KTN1: variants seen among roughly 807,000 people sequenced by gnomAD.
KTN1 encodes the protein kinectin 1.
Under a neutral mutation model 222.5 loss-of-function variants are expected in KTN1, and 130 were observed. The ratio of observed to expected loss-of-function variants is 0.58; its 90% CI spans 0.51 to 0.68. The LOEUF is 0.68. KTN1 is among the 30% of genes least tolerant of loss of function. The pLI, the probability that KTN1 is intolerant of heterozygous loss-of-function variation, is 0.00. For missense variants in KTN1, 1,508 were observed against 1,500.4 expected, an observed-to-expected ratio of 1.01 and a Z score of -0.08; for synonymous variants, 512 against 496.3, an observed-to-expected ratio of 1.03 and a Z score of -0.42.
At chr14:55,606,852 G>A (rs918517833) in intron 1 of KTN1, among the ~76,000 whole-genome samples, 1 of 152,066 alleles carries the variant, frequency 6.6e-6, no homozygotes, top group South Asian at 2.1e-4. Flanking sequence ...TCATTTTTTA[G>A]GTATCATCTA....
intron 43 of KTN1, chr14:55,683,145 G>A (rs532354101): frequency 6.6e-6 from 1 of 152,156 alleles, no homozygotes; most frequent in Admixed American, 6.5e-5. Context: ...TATGGATCAG[G>A]TTTTCATTTT....
Position 55,608,507 on chromosome 14 carries a change from A to G in KTN1, c.-30-3512A>G, listed in dbSNP as rs569070676. On this transcript the variant is annotated intron_variant, in intron 1 of 43. Transcript: ENST00000395314. ...TTTTTAGCAGCATTGAATTGAATTT[A>G]ACAAAGTTTTAGTGTTCATGGTTTT... Among the ~76,000 whole-genome samples, 93 of 152,324 alleles carry G rather than the reference A, an allele frequency of 6.1e-4. 4 individuals carry two copies. The South Asian group carries it at 0.019, about 32-fold the overall frequency.
chr14:55,672,380 A>C, intron 37 of KTN1: 2 of 339,626 alleles, frequency 5.9e-6, no homozygotes, highest in Non-Finnish European at 1.1e-5. Context: ...ATACAGCTGA[A>C]TATCAGTTAA....
intron 43 of KTN1, chr14:55,682,133 T>C (rs918123549): frequency 2.6e-5 from 4 of 152,282 alleles, no homozygotes; most frequent in South Asian, 2.1e-4. Context: ...AGAAATAATA[T>C]GCATTGATGT....
intron 30 of KTN1, 63 bp from the exon 31 acceptor site, chr14:55,659,603 C>T: frequency 1.0e-6 from 1 of 960,156 alleles, no homozygotes; most frequent in Non-Finnish European, 1.7e-6. Flanking sequence ...TTGAGAAAAG[C>T]TTCAATGTTT....
chr14:55,650,070 T>C (rs544177902), intron 22 of KTN1, among the ~76,000 whole-genome samples: 1 of 152,232 alleles, frequency 6.6e-6, no homozygotes, highest in Middle Eastern at 3.4e-3. Flanking sequence ...GATTCTCCTC[T>C]GTATTCCTCA....
intron 28 of KTN1, 121 bp from the exon 29 acceptor site, chr14:55,655,921 A>G (rs547828062): frequency 8.7e-4 from 474 of 543,150 alleles, no homozygotes; most frequent in Middle Eastern, 3.2e-3. Flanking sequence ...TTGGTATAAT[A>G]TGGGGGAAAA....
rs79863338 is a variant in KTN1, at chr14:55,581,585, C to T, written c.-31+1231C>T. ...CTTGAGAAATGTAGACACTCATGGC[C>T]AGCCCAGCTAAAGATAAGCATCTTC... On this transcript the variant is annotated intron_variant, in intron 1 of 43. Coordinates refer to ENST00000395314, the MANE Select transcript of KTN1 (RefSeq NM_001079521.2). 2.5e-3 allele frequency among the ~76,000 whole-genome samples: 373 copies of T among 152,192 alleles called. 3 individuals carry two copies. Among genetic ancestry groups the T allele is most frequent in the African/African-American group, 8.6e-3 (356 of 41,514 alleles).
At chr14:55,587,660 T>C (rs1246581765) in intron 1 of KTN1, among the ~76,000 whole-genome samples, 1 of 152,214 alleles carries the variant, frequency 6.6e-6, no homozygotes, top group Non-Finnish European at 1.5e-5. Flanking sequence ...GTAATTACTT[T>C]ACGTAGTTTT....
intron 31 of KTN1, among the ~76,000 whole-genome samples, chr14:55,661,030 C>A (rs1036496197): frequency 1.3e-5 from 2 of 152,134 alleles, no homozygotes; most frequent in Non-Finnish European, 1.5e-5. Flanking sequence ...CAGAAAAAAA[C>A]ATGAATGTTG....
At chr14:55,618,242 T>A in intron 4 of KTN1, 108 bp downstream of exon 4, 5 of 816,424 alleles carry the variant, frequency 6.1e-6, no homozygotes, top group African/African-American at 1.8e-5. Context: ...TTCAAAAGAA[T>A]CAAATCCTTG....
intron 1 of KTN1, among the ~76,000 whole-genome samples, chr14:55,592,635 T>C (rs2034342413): frequency 6.6e-6 from 1 of 152,220 alleles, no homozygotes; most frequent in Admixed American, 6.5e-5. Flanking sequence ...AAAGAAACTT[T>C]GGATAGTTAT....
intron 30 of KTN1, among the ~76,000 whole-genome samples, chr14:55,658,934 T>G (rs1003092985): frequency 6.6e-6 from 1 of 152,180 alleles, no homozygotes; most frequent in Non-Finnish European, 1.5e-5. Context: ...GTACACACTC[T>G]TATCTCCCCT....
At chr14:55,658,025 G>A (rs1485469998) in intron 29 of KTN1, among the ~76,000 whole-genome samples, 1 of 152,018 alleles carries the variant, frequency 6.6e-6, no homozygotes, top group Non-Finnish European at 1.5e-5. Flanking sequence ...CAATAACATT[G>A]TAACCATTAA....
intron 12 of KTN1, 87 bp downstream of exon 12, chr14:55,637,934 A>T (rs2041329373): frequency 2.1e-6 from 2 of 948,308 alleles, no homozygotes; most frequent in Admixed American, 2.1e-5. Context: ...CAATTACTGG[A>T]TTAATAGCTG....
intron 2 of KTN1, 108 bp downstream of exon 2, chr14:55,612,679 C>A: frequency 1.2e-6 from 1 of 860,180 alleles, no homozygotes; most frequent in Non-Finnish European, 1.7e-6. Flanking sequence ...AATTTGAAAC[C>A]ATGATTATTC....
At chr14:55,607,988 A>C (rs149443950) in intron 1 of KTN1, among the ~76,000 whole-genome samples, 97 of 152,376 alleles carry the variant, frequency 6.4e-4, no homozygotes, top group African/African-American at 2.2e-3. Context: ...CATGTGTGAA[A>C]GAACAACATG....
intron 18 of KTN1, among the ~76,000 whole-genome samples, chr14:55,645,336 C>G (rs1282662103): frequency 6.6e-6 from 1 of 152,066 alleles, no homozygotes; most frequent in Non-Finnish European, 1.5e-5. Context: ...TTGCTAAGAC[C>G]TAATTATGAA....
rs920736020 is a variant in KTN1, at chr14:55,648,876, G to A, written c.2367+6G>A. The A allele has an allele frequency of 1.3e-6, 2 of 1,549,778 alleles. No homozygotes were observed. The highest frequency in any genetic ancestry group is 1.1e-5 in the South Asian group (1 of 87,024). ...AAGCTAAGCAAAATGATCAGGTAAT[G>A]TAAATTTTTACAACTGTTCTTTGTC... On this transcript the variant is annotated splice_donor_region_variant and intron_variant, in intron 21 of 43. Coordinates refer to ENST00000395314, the MANE Select transcript of KTN1 (RefSeq NM_001079521.2).
Sources: allele counts gnomAD v4.1 joint callset (sites outside exome capture counted in the v4.1 genomes callset), GRCh38; gene constraint gnomAD v4.1.1; transcripts MANE v1.5; gene names NCBI Gene and HGNC (gene_info 2026-07-23, HGNC 2026-07-21).